Variants in PRKG1 observed in about 807,000 individuals in gnomAD.
PRKG1 encodes cGMP-dependent protein kinase 1.
A neutral mutation model predicts 88.1 loss-of-function variants in PRKG1; 35 were observed. That is an observed-to-expected ratio of 0.40 (90% CI 0.30 to 0.53). PRKG1 has a LOEUF of 0.53. Ranked by LOEUF, PRKG1 falls within the 20% of genes least tolerant of loss-of-function variation. The pLI, the probability that PRKG1 is intolerant of heterozygous loss-of-function variation, is 0.59. For missense variants in PRKG1, 540 were observed against 839.8 expected, an observed-to-expected ratio of 0.64 and a Z score of 4.41; for synonymous variants, 303 against 292.5, an observed-to-expected ratio of 1.04 and a Z score of -0.37.
At chr10:51,409,199 G>A (rs904953241) in intron 2 of PRKG1, among the ~76,000 whole-genome samples, 5 of 152,142 alleles carry the variant, frequency 3.3e-5, no homozygotes, top group South Asian at 2.1e-4. Context: ...CCTGCATATC[G>A]TGAAGAACCA....
intron 3 of PRKG1, among the ~76,000 whole-genome samples, chr10:51,570,196 C>T (rs1564554598): frequency 6.6e-6 from 1 of 151,370 alleles, no homozygotes; most frequent in South Asian, 2.1e-4. Context: ...TGTCCCCCCG[C>T]ACAGCCCGCA....
At chr10:52,101,123 A>C (rs1847283618) in intron 7 of PRKG1, among the ~76,000 whole-genome samples, 1 of 152,178 alleles carries the variant, frequency 6.6e-6, no homozygotes, top group South Asian at 2.1e-4. Context: ...TCATATCAGC[A>C]TATCTCTCTG....
At chr10:52,076,613 T>C (rs1317631211) in intron 7 of PRKG1, among the ~76,000 whole-genome samples, 1 of 152,190 alleles carries the variant, frequency 6.6e-6, no homozygotes, top group East Asian at 1.9e-4. Flanking sequence ...TTTCTGTTTT[T>C]TGACAAACAC....
chr10:50,998,037 A>G (rs1328302274), intron 1 of PRKG1, among the ~76,000 whole-genome samples: 1 of 152,216 alleles, frequency 6.6e-6, no homozygotes, highest in Non-Finnish European at 1.5e-5. Context: ...TGTTATTATA[A>G]GTAGATCACA....
chr10:51,438,685 G>A (rs1839008222), intron 2 of PRKG1, among the ~76,000 whole-genome samples: 1 of 151,792 alleles, frequency 6.6e-6, no homozygotes, highest in African/African-American at 2.4e-5. Flanking sequence ...TGATCACCTG[G>A]CAGAGGCATT....
At chr10:52,191,645 A>G (rs529496755) in intron 9 of PRKG1, among the ~76,000 whole-genome samples, 2 of 152,234 alleles carry the variant, frequency 1.3e-5, no homozygotes, top group East Asian at 3.8e-4. Flanking sequence ...TAGGAGGTTT[A>G]TTAAACTTCA....
At chr10:51,493,315 G>C (rs137908867) in intron 3 of PRKG1, among the ~76,000 whole-genome samples, 2 of 152,004 alleles carry the variant, frequency 1.3e-5, no homozygotes, top group Non-Finnish European at 2.9e-5. Context: ...CCAAATTCCA[G>C]GTGTTGTCTA....
chr10:51,890,740 G>A (rs1000548416), intron 4 of PRKG1, among the ~76,000 whole-genome samples: 3 of 152,214 alleles, frequency 2.0e-5, no homozygotes, highest in African/African-American at 7.2e-5. Context: ...TGGATCACAT[G>A]AGGCCAGGAG....
At chr10:51,843,162 T>C (rs770453554) in intron 4 of PRKG1, among the ~76,000 whole-genome samples, 3 of 146,122 alleles carry the variant, frequency 2.1e-5, no homozygotes, top group Non-Finnish European at 4.5e-5. Context: ...AGTGACGCAA[T>C]CTTGGCTCAC....
At chr10:52,108,693 C>CA (rs1391142814) in intron 7 of PRKG1, among the ~76,000 whole-genome samples, 4 of 151,898 alleles carry the variant, frequency 2.6e-5, no homozygotes, top group Non-Finnish European at 4.4e-5. Context: ...TCTGTTATTA[C>CA]AAAAAAACCT....
At chr10:51,503,512 C>T (rs1412261483) in intron 3 of PRKG1, among the ~76,000 whole-genome samples, 1 of 152,152 alleles carries the variant, frequency 6.6e-6, no homozygotes, top group Non-Finnish European at 1.5e-5. Context: ...AGGAACTTAA[C>T]CTCTTCAAAT....
intron 3 of PRKG1, among the ~76,000 whole-genome samples, chr10:51,623,638 G>A (rs1207009076): frequency 6.6e-6 from 1 of 152,140 alleles, no homozygotes; most frequent in Non-Finnish European, 1.5e-5. Flanking sequence ...CTATGGAATT[G>A]CTTATGGAAT....
intron 9 of PRKG1, among the ~76,000 whole-genome samples, chr10:52,202,098 T>C (rs1314836064): frequency 6.6e-6 from 1 of 152,112 alleles, no homozygotes; most frequent in Non-Finnish European, 1.5e-5. Flanking sequence ...CTATGTTGAA[T>C]AGGAGTGGTG....
chr10:51,547,481 G>A (rs915511561), intron 3 of PRKG1, among the ~76,000 whole-genome samples: 12 of 152,200 alleles, frequency 7.9e-5, no homozygotes, highest in African/African-American at 2.6e-4. Context: ...ATAAGAGGCT[G>A]TCCTTATGGA....
At chr10:51,939,122 T>C (rs1401724984) in intron 5 of PRKG1, among the ~76,000 whole-genome samples, 1 of 152,016 alleles carries the variant, frequency 6.6e-6, no homozygotes, top group East Asian at 1.9e-4. Flanking sequence ...TTTGACCACT[T>C]CAGCTATTAT....
At position 51,019,519 on chromosome 10, in the gene PRKG1, G is replaced by A. The variant is rs1326074792; in HGVS notation, c.266+27875G>A. ...CTCAAAATGGATCAAAGGCCTAAAT[G>A]TAAGGCCTAAAACCATAAGGCTCTT... On this transcript the variant is annotated intron_variant, in intron 1 of 17. Coordinates refer to the PRKG1 transcript ENST00000401604. Among the ~76,000 whole-genome samples the A allele has an allele frequency of 2.0e-5, 3 of 152,104 alleles. No homozygotes were observed. In the South Asian group the frequency reaches 6.2e-4, roughly 32 times the overall value.
At chr10:51,671,618 A>C (rs1564600051) in intron 3 of PRKG1, among the ~76,000 whole-genome samples, 3 of 135,034 alleles carry the variant, frequency 2.2e-5, no homozygotes, top group African/African-American at 5.7e-5. Context: ...ATGGAGTCTC[A>C]CTCTGTCACC....
At chr10:51,865,778 G>T (rs2132845822) in intron 4 of PRKG1, among the ~76,000 whole-genome samples, 1 of 152,064 alleles carries the variant, frequency 6.6e-6, no homozygotes, top group Admixed American at 6.6e-5. Flanking sequence ...GATTTCCAGT[G>T]ATTGAATGTT....
intron 3 of PRKG1, among the ~76,000 whole-genome samples, chr10:51,669,328 CTCTT>C (rs1300505824): frequency 5.3e-5 from 8 of 152,126 alleles, no homozygotes; most frequent in Admixed American, 1.3e-4. Flanking sequence ...GATCTGATGT[CTCTT>C]TCTTCTTATA....
Sources: gnomAD v4.1 joint callset for allele counts (sites outside exome capture counted in the v4.1 genomes callset) on GRCh38, gnomAD v4.1.1 for gene constraint, MANE v1.5 for transcripts, NCBI Gene and HGNC (gene_info 2026-07-23, HGNC 2026-07-21) for gene names.